Variants in KIDINS220 observed in about 807,000 individuals in gnomAD.
KIDINS220 encodes kinase D-interacting substrate of 220 kDa.
In KIDINS220, 63 loss-of-function variants were observed where a neutral mutation model predicts 157.6. The observed-to-expected ratio is 0.40, with a 90% CI of 0.33 to 0.49. The LOEUF is 0.49. KIDINS220 is among the 20% of genes least tolerant of loss of function. The pLI is 0.66. For missense variants in KIDINS220, 1,772 were observed against 2,171.2 expected (o/e 0.82, Z 3.65); for synonymous variants, 732 against 783.6 (o/e 0.93, Z 1.10).
At chr2:8,756,788 C>G (rs1011194697) in intron 22 of KIDINS220, among the ~76,000 whole-genome samples, 1 of 152,186 alleles carries the variant, frequency 6.6e-6, no homozygotes, top group African/African-American at 2.4e-5. Flanking sequence ...ACCAAAGGCA[C>G]CAACTCTAAA....
At chr2:8,825,923 C>T (rs1201550630) in intron 2 of KIDINS220, 1 of 144,200 alleles carries the variant, frequency 6.9e-6, no homozygotes, top group Non-Finnish European at 1.5e-5. Context: ...ACTAAAAATA[C>T]AAAAAAAAAA....
chr2:8,753,163 C>G (rs1260440315), intron 22 of KIDINS220, among the ~76,000 whole-genome samples: 3 of 152,094 alleles, frequency 2.0e-5, no homozygotes, highest in African/African-American at 7.2e-5. Context: ...AATCAAATGT[C>G]CACTAACAGA....
chr2:8,836,197 C>T (rs1022760787), intron 1 of KIDINS220, among the ~76,000 whole-genome samples: 6 of 150,756 alleles, frequency 4.0e-5, no homozygotes, highest in Non-Finnish European at 7.4e-5. Flanking sequence ...AATGGAGCTG[C>T]CCTTAACCAA....
intron 26 of KIDINS220, among the ~76,000 whole-genome samples, chr2:8,738,550 A>C (rs1665204774): frequency 6.6e-6 from 1 of 152,230 alleles, no homozygotes; most frequent in South Asian, 2.1e-4. Flanking sequence ...AGGGCATAGC[A>C]TCACTCCTGC....
chr2:8,789,388 C>G (rs1272435507), intron 14 of KIDINS220, among the ~76,000 whole-genome samples: 1 of 150,450 alleles, frequency 6.6e-6, no homozygotes, highest in African/African-American at 2.4e-5. Flanking sequence ...CCCAGGTTCA[C>G]GCCATTCTCC....
At position 8,751,560 on chromosome 2, in the gene KIDINS220, C is replaced by T. The variant is rs1318103897; in HGVS notation, c.3096G>A (p.Leu1032=). The stretch of plus-strand genomic sequence containing the variant: ...CCACAAGAACTGGGGTCCTTGAAGA[C>T]AAAAACACTTCAAAATTTCTTATAT... The part of the protein sequence containing the change: ...DGDIRNFEVF[L]SSRTPVLVAR... Residue 1032 remains leucine, a synonymous_variant, in exon 23 of 30, where the codon TTG becomes TTA. Coordinates refer to ENST00000256707, the MANE Select transcript of KIDINS220 (RefSeq NM_020738.4). 1.2e-6 allele frequency: 2 copies of T among 1,613,254 alleles called. No individual in the cohort carries two copies. Among genetic ancestry groups the T allele is most frequent in the Non-Finnish European group, 1.7e-6 (2 of 1,179,518 alleles).
At chr2:8,789,586 G>A (rs895294324) in intron 14 of KIDINS220, among the ~76,000 whole-genome samples, 5 of 151,874 alleles carry the variant, frequency 3.3e-5, no homozygotes, top group Non-Finnish European at 5.9e-5. Context: ...CACCGCACCC[G>A]GCCCAGAAAA....
chr2:8,827,585 C>T (rs1300815553), intron 1 of KIDINS220, among the ~76,000 whole-genome samples: 1 of 152,180 alleles, frequency 6.6e-6, no homozygotes, highest in Admixed American at 6.5e-5. Flanking sequence ...CACTTCATCA[C>T]TGCCACCCTG....
chr2:8,758,277 T>C (rs1321390478), intron 22 of KIDINS220, among the ~76,000 whole-genome samples: 1 of 152,112 alleles, frequency 6.6e-6, no homozygotes, highest in African/African-American at 2.4e-5. Flanking sequence ...GTCTATGTAA[T>C]CCCCAAATTA....
chr2:8,807,760 G>C (rs1424583952), intron 6 of KIDINS220, among the ~76,000 whole-genome samples: 1 of 152,140 alleles, frequency 6.6e-6, no homozygotes, highest in Non-Finnish European at 1.5e-5. Flanking sequence ...CACAAAACGA[G>C]GAAGAGAATG....
chr2:8,782,737 C>T (rs1361991732), intron 17 of KIDINS220, among the ~76,000 whole-genome samples: 1 of 152,140 alleles, frequency 6.6e-6, no homozygotes, highest in South Asian at 2.1e-4. Flanking sequence ...AAACTACAAA[C>T]CAATAAATAT....
At chr2:8,774,173 G>A (rs1210013706) in intron 21 of KIDINS220, among the ~76,000 whole-genome samples, 2 of 151,932 alleles carry the variant, frequency 1.3e-5, no homozygotes, top group Non-Finnish European at 2.9e-5. Context: ...GCACATGCCT[G>A]TAATCCCAGC....
At chr2:8,815,156 T>C (rs972879095) in intron 4 of KIDINS220, among the ~76,000 whole-genome samples, 4 of 152,176 alleles carry the variant, frequency 2.6e-5, no homozygotes, top group Non-Finnish European at 5.9e-5. Context: ...ATGCCAGCAC[T>C]TTGGGAGGCC....
downstream of KIDINS220, chr2:8,727,233 T>C: frequency 9.0e-7 from 1 of 1,105,380 alleles, no homozygotes. Flanking sequence ...GTATCCCCAC[T>C]GGTTTCTTCC....
In KIDINS220 at chr2:8,827,120, A is replaced by AT; in HGVS notation, c.-28dup. 8.0e-7 allele frequency: 1 copy of AT among 1,255,404 alleles called. No homozygotes were observed. The highest frequency in any genetic ancestry group is 1.3e-5 in the South Asian group (1 of 78,116). The allele number at this position is 1,255,404 out of a possible 1,614,324, so 77.8% of individuals were successfully genotyped here. ...TTCACAGAAAGCTGCAATTAACTTT[A>AT]TTTGAATACCTGTTAAATTAGACAA... On this transcript the variant is annotated 5_prime_UTR_variant, in exon 2 of 30. Transcript: ENST00000256707.
At chr2:8,836,363 A>C (rs1470198966) in intron 1 of KIDINS220, among the ~76,000 whole-genome samples, 2 of 152,238 alleles carry the variant, frequency 1.3e-5, no homozygotes, top group African/African-American at 4.8e-5. Context: ...ACTTGGAAAA[A>C]GATACCGTTC....
chr2:8,736,217 T>A (rs1664835264), intron 27 of KIDINS220, among the ~76,000 whole-genome samples: 1 of 152,206 alleles, frequency 6.6e-6, no homozygotes, highest in Non-Finnish European at 1.5e-5. Flanking sequence ...TACTCTGATA[T>A]AAAAAGTATA....
At chr2:8,778,601 C>T in intron 20 of KIDINS220, 38 bp downstream of exon 20, 1 of 1,235,714 alleles carries the variant, frequency 8.1e-7, no homozygotes, top group Non-Finnish European at 1.2e-6. Flanking sequence ...AATTGAATAG[C>T]AATACAAACA....
Position 8,817,603 on chromosome 2 carries a change from T to C in KIDINS220, c.306+15A>G, listed in dbSNP as rs1677258387. On this transcript the variant is annotated intron_variant, in intron 4 of 29. Coordinates refer to ENST00000256707, the MANE Select transcript of KIDINS220 (RefSeq NM_020738.4). ...AAGATTTCAGCTAATTAAGAACATA[T>C]AAAAATGTCCATACCATATCACGGT... 4 of 1,464,080 alleles carry C rather than the reference T, an allele frequency of 2.7e-6. No individual in the cohort carries two copies. The highest frequency in any genetic ancestry group is 1.4e-5 in the African/African-American group (1 of 71,130). The allele number at this position is 1,464,080 out of a possible 1,614,324, so 90.7% of individuals were successfully genotyped here.
Sources: allele counts gnomAD v4.1 joint callset (sites outside exome capture counted in the v4.1 genomes callset), GRCh38; gene constraint gnomAD v4.1.1; transcripts MANE v1.5; gene names NCBI Gene and HGNC (gene_info 2026-07-23, HGNC 2026-07-21).